Variants in NCAM2 observed in about 807,000 individuals in gnomAD.
NCAM2 encodes the protein neural cell adhesion molecule 2.
NCAM2 carries 30 observed loss-of-function variants against 98.1 expected under a neutral mutation model. That is an observed-to-expected ratio of 0.31 (90% confidence interval 0.23 to 0.41). NCAM2 has a LOEUF of 0.41. Among genes scored for constraint, NCAM2 ranks in the 10% least tolerant of loss-of-function variants. NCAM2 has a pLI of 1.00. For synonymous variants in NCAM2, 368 were observed against 342.4 expected (o/e 1.07, Z -0.83); for missense variants, 867 against 1,005.8 (o/e 0.86, Z 1.87).
intron 8 of NCAM2, among the ~76,000 whole-genome samples, chr21:21,363,469 C>G (rs145976895): frequency 1.9e-3 from 291 of 152,240 alleles, no homozygotes; most frequent in African/African-American, 6.6e-3. Context: ...CACAGTATTA[C>G]AAGCTGGAAA....
At chr21:21,522,877 G>A (rs899052693) in intron 16 of NCAM2, among the ~76,000 whole-genome samples, 1 of 151,892 alleles carries the variant, frequency 6.6e-6, no homozygotes, top group East Asian at 1.9e-4. Context: ...AACCACCTCG[G>A]CCTCCCAAAG....
chr21:21,431,650 A>G (rs913779302), intron 11 of NCAM2, among the ~76,000 whole-genome samples: 1 of 152,146 alleles, frequency 6.6e-6, no homozygotes, highest in Non-Finnish European at 1.5e-5. Flanking sequence ...TTAGGAATAT[A>G]ATTGTGGTGA....
intron 1 of NCAM2, among the ~76,000 whole-genome samples, chr21:21,123,368 G>C (rs946825164): frequency 2.7e-5 from 4 of 149,882 alleles, no homozygotes; most frequent in Admixed American, 6.7e-5. Context: ...CTGCACTCTA[G>C]CCTGGGAGAC....
At chr21:20,998,654 TC>T (rs1316712953) in intron 1 of NCAM2, 36 bp downstream of exon 1, 6 of 1,597,292 alleles carry the variant, frequency 3.8e-6, no homozygotes, top group African/African-American at 2.7e-5. Context: ...TTACTTTCCC[TC>T]CCCCTTCCAC....
chr21:21,534,695 A>C (rs767217075), intron 17 of NCAM2, 39 bp downstream of exon 17: 4 of 1,475,590 alleles, frequency 2.7e-6, no homozygotes, highest in Non-Finnish European at 2.7e-6. Context: ...TCAAATGGGT[A>C]TTGGCAAAAT....
chr21:21,534,263 G>T (rs1175976799), intron 16 of NCAM2, among the ~76,000 whole-genome samples: 3 of 151,830 alleles, frequency 2.0e-5, no homozygotes, highest in Non-Finnish European at 4.4e-5. Context: ...TATACAGTAG[G>T]ATTTTAAAAT....
intron 1 of NCAM2, among the ~76,000 whole-genome samples, chr21:21,110,780 T>C (rs2066438458): frequency 1.3e-5 from 2 of 152,016 alleles, no homozygotes; most frequent in African/African-American, 4.8e-5. Flanking sequence ...TGTGACTGAA[T>C]TGGTTCTACC....
At chr21:21,060,429 A>G (rs2065298315) in intron 1 of NCAM2, among the ~76,000 whole-genome samples, 1 of 152,142 alleles carries the variant, frequency 6.6e-6, no homozygotes, top group African/African-American at 2.4e-5. Context: ...AAACTATTTT[A>G]TCTATTTATC....
intron 1 of NCAM2, among the ~76,000 whole-genome samples, chr21:21,116,340 TTAAATA>T (rs2146546103): frequency 6.6e-6 from 1 of 152,184 alleles, no homozygotes; most frequent in South Asian, 2.1e-4. Context: ...ATTATATAAA[TTAAATA>T]TAATGTGGAA....
At chr21:21,445,086 A>G (rs935538071) in intron 12 of NCAM2, among the ~76,000 whole-genome samples, 1 of 152,068 alleles carries the variant, frequency 6.6e-6, no homozygotes, top group Admixed American at 6.6e-5. Context: ...TAATTTCATT[A>G]TTTACCCAGG....
intron 1 of NCAM2, among the ~76,000 whole-genome samples, chr21:21,180,359 G>T (rs896098658): frequency 6.6e-6 from 1 of 152,068 alleles, no homozygotes; most frequent in Non-Finnish European, 1.5e-5. Context: ...AGTTGTTTGA[G>T]TTCCTTATAT....
chr21:21,236,935 G>A (rs1167044831), intron 1 of NCAM2, among the ~76,000 whole-genome samples: 1 of 152,082 alleles, frequency 6.6e-6, no homozygotes, highest in African/African-American at 2.4e-5. Flanking sequence ...AGACAATAGT[G>A]TTTCATTACA....
chr21:21,177,017 T>C (rs537894996), intron 1 of NCAM2, among the ~76,000 whole-genome samples: 11 of 152,284 alleles, frequency 7.2e-5, no homozygotes, highest in African/African-American at 2.6e-4. Flanking sequence ...TTAGAACATT[T>C]ATAGTTACTT....
At chr21:21,397,031 G>T (rs1784415027) in intron 9 of NCAM2, among the ~76,000 whole-genome samples, 1 of 152,176 alleles carries the variant, frequency 6.6e-6, no homozygotes. Context: ...TGGTGGGTTA[G>T]CAAGGAGGAA....
rs370536541 is a variant in NCAM2 at position 21,131,461 on chromosome 21, TG to T, written c.55+132847del. ...GCTAATTTTGTATTTTTAGTAGAGA[TG>T]GGGTTTCTCCTTGTTGGTCAGGCTG... is the stretch of plus-strand genomic sequence containing the variant. On this transcript the variant is annotated intron_variant, in intron 1 of 17. Transcript: ENST00000400546. Among the ~76,000 whole-genome samples the T allele has an allele frequency of 2.7e-3, 411 of 152,206 alleles. 8 individuals are homozygous for T. The South Asian group carries it at 0.041, about 15-fold the overall frequency.
At chr21:21,365,641 A>G (rs1425339673) in intron 8 of NCAM2, among the ~76,000 whole-genome samples, 1 of 152,056 alleles carries the variant, frequency 6.6e-6, no homozygotes, top group Non-Finnish European at 1.5e-5. Flanking sequence ...ACACTACCCG[A>G]TCAATTGTTT....
In NCAM2 at chr21:21,394,469, C is replaced by CTTT. The variant is rs532068473; in HGVS notation, c.1196-15770_1196-15768dup. 1.5e-3 allele frequency among the ~76,000 whole-genome samples: 87 copies of CTTT among 57,672 alleles called. 22 individuals are homozygous for CTTT. Among genetic ancestry groups the CTTT allele is most frequent in the South Asian group, 2.4e-3 (3 of 1,264 alleles). 37.8% of individuals were successfully genotyped at this position (57,672 alleles called of 152,430 possible). On this transcript the variant is annotated intron_variant, in intron 9 of 17. Transcript: ENST00000400546. Reference sequence around the variant, plus strand: ...GACCTTAGTTAATTTAAGGGGCCAGCTTTTTTTTTTTTTTTTTTTTTTTTT... The same window carrying CTTT: ...GACCTTAGTTAATTTAAGGGGCCAGCTTTTTTTTTTTTTTTTTTTTTTTTTTTT...
At chr21:21,015,766 C>T (rs1021301125) in intron 1 of NCAM2, among the ~76,000 whole-genome samples, 6 of 152,112 alleles carry the variant, frequency 3.9e-5, no homozygotes, top group Admixed American at 6.5e-5. Context: ...CGCAATGGCA[C>T]GATCTCGGCT....
At chr21:21,505,212 G>A (rs970008705) in intron 15 of NCAM2, among the ~76,000 whole-genome samples, 2 of 151,676 alleles carry the variant, frequency 1.3e-5, no homozygotes, top group African/African-American at 2.4e-5. Context: ...AATAAAATAG[G>A]GCTCCTATAT....
Sources: gnomAD v4.1 joint callset for allele counts (sites outside exome capture counted in the v4.1 genomes callset) on GRCh38, gnomAD v4.1.1 for gene constraint, MANE v1.5 for transcripts, NCBI Gene and HGNC (gene_info 2026-07-23, HGNC 2026-07-21) for gene names.